PEAK1: variants seen among roughly 807,000 people sequenced by gnomAD.
PEAK1 encodes pseudopodium enriched atypical kinase 1, also known as inactive tyrosine-protein kinase PEAK1.
In PEAK1, 54 loss-of-function variants were observed where a neutral mutation model predicts 124.7. The ratio of observed to expected loss-of-function variants is 0.43; its 90% CI spans 0.35 to 0.54. The LOEUF is 0.54. PEAK1 is among the 20% of genes least tolerant of loss of function. PEAK1 has a pLI of 0.01. For missense variants in PEAK1, 2,046 were observed against 2,134.5 expected (o/e 0.96, Z 0.82); for synonymous variants, 719 against 760.0 (o/e 0.95, Z 0.89).
intron 2 of PEAK1, chr15:77,336,380 A>T: frequency 2.2e-5 from 22 of 985,436 alleles, no homozygotes; most frequent in Non-Finnish European, 2.7e-5. Flanking sequence ...TTTACTAGGA[A>T]CCAAGGCAGC....
intron 8 of PEAK1, among the ~76,000 whole-genome samples, chr15:77,140,209 T>C (rs536289907): frequency 2.6e-5 from 4 of 152,056 alleles, no homozygotes; most frequent in Non-Finnish European, 4.4e-5. Flanking sequence ...TTCCAAAAAA[T>C]AGAACAGGAG....
At chr15:77,127,099 A>C (rs957639362) in intron 9 of PEAK1, among the ~76,000 whole-genome samples, 1 of 151,402 alleles carries the variant, frequency 6.6e-6, no homozygotes, top group Non-Finnish European at 1.5e-5. Flanking sequence ...GTGTCCTTCT[A>C]AGAACAGACA....
intron 6 of PEAK1, among the ~76,000 whole-genome samples, chr15:77,211,684 C>G (rs2058912911): frequency 6.6e-6 from 1 of 151,816 alleles, no homozygotes; most frequent in Non-Finnish European, 1.5e-5. Flanking sequence ...CCCGTCTCTA[C>G]TAAAAATACA....
At chr15:77,354,497 G>A (rs760376527) in intron 2 of PEAK1, among the ~76,000 whole-genome samples, 1 of 152,118 alleles carries the variant, frequency 6.6e-6, no homozygotes, top group Admixed American at 6.6e-5. Context: ...TATTAGCCAT[G>A]TTAATCTCCT....
At chr15:77,144,143 C>T (rs770990511) in intron 8 of PEAK1, among the ~76,000 whole-genome samples, 2 of 152,162 alleles carry the variant, frequency 1.3e-5, no homozygotes, top group Non-Finnish European at 2.9e-5. Flanking sequence ...AGGTGAAGAA[C>T]GGCTGATCGT....
chr15:77,113,650 G>A lies in PEAK1; in HGVS notation c.*506C>T, dbSNP rs2051114834. 1 of 159,724 alleles carries A rather than the reference G, an allele frequency of 6.3e-6. No individual in the cohort carries two copies. The highest frequency in any genetic ancestry group is 1.4e-5 in the Non-Finnish European group (1 of 72,374). The allele number at this position is 159,724 out of a possible 1,614,324, so 9.9% of individuals were successfully genotyped here. On this transcript the variant is annotated 3_prime_UTR_variant, in exon 10 of 10. Transcript: ENST00000682557. Reference sequence around the variant, plus strand: ...TAACCAAAACTGGGCTGATGCTAAGGATGGCAGTCCTGCCTAGTAAGTCAG... The same window carrying A: ...TAACCAAAACTGGGCTGATGCTAAGAATGGCAGTCCTGCCTAGTAAGTCAG...
At chr15:77,172,494 T>C (rs920678117) in intron 7 of PEAK1, among the ~76,000 whole-genome samples, 1 of 152,170 alleles carries the variant, frequency 6.6e-6, no homozygotes, top group Non-Finnish European at 1.5e-5. Context: ...AATAGGTTTG[T>C]TTTGTTCATT....
At chr15:77,335,928 A>C in intron 2 of PEAK1, 1 of 985,398 alleles carries the variant, frequency 1.0e-6, no homozygotes, top group Non-Finnish European at 1.2e-6. Flanking sequence ...CACAATAAGA[A>C]CACCTATCTC....
intron 5 of PEAK1, among the ~76,000 whole-genome samples, chr15:77,260,997 T>C (rs953754141): frequency 6.6e-6 from 1 of 152,198 alleles, no homozygotes; most frequent in Non-Finnish European, 1.5e-5. Context: ...CCGCTGCTGA[T>C]ACCCAGGCAA....
At chr15:77,312,285 C>G (rs1410071323) in intron 2 of PEAK1, among the ~76,000 whole-genome samples, 1 of 152,132 alleles carries the variant, frequency 6.6e-6, no homozygotes, top group Admixed American at 6.5e-5. Flanking sequence ...TTACTATATT[C>G]CATTTTTAAT....
chr15:77,115,825 G>A (rs993654633), intron 9 of PEAK1, among the ~76,000 whole-genome samples: 6 of 152,156 alleles, frequency 3.9e-5, no homozygotes, highest in African/African-American at 1.4e-4. Flanking sequence ...TCACAGCTTA[G>A]GAGAGTGATA....
At chr15:77,297,707 C>A (rs1462511030) in intron 2 of PEAK1, among the ~76,000 whole-genome samples, 2 of 131,624 alleles carry the variant, frequency 1.5e-5, no homozygotes, top group African/African-American at 3.0e-5. Flanking sequence ...TGCAGTGAGC[C>A]AAGATGGCGC....
At chr15:77,288,797 C>T (rs1262766540) in intron 2 of PEAK1, among the ~76,000 whole-genome samples, 3 of 151,858 alleles carry the variant, frequency 2.0e-5, no homozygotes, top group African/African-American at 7.3e-5. Context: ...GGTGTGGTGG[C>T]GGGCACCTGT....
chr15:77,165,975 G>A (rs2056069014), intron 7 of PEAK1, among the ~76,000 whole-genome samples: 1 of 152,118 alleles, frequency 6.6e-6, no homozygotes, highest in Admixed American at 6.5e-5. Context: ...GCATACTGCA[G>A]AAACCCAGCA....
At chr15:77,313,652 A>ATGTATGTGTGTGTG (rs1469429790) in intron 2 of PEAK1, among the ~76,000 whole-genome samples, 13 of 90,586 alleles carry the variant, frequency 1.4e-4, no homozygotes, top group African/African-American at 2.6e-4. Context: ...GTATGTATGT[A>ATGTATGTGTGTGTG]TGTGTGTGTG....
In PEAK1 at chr15:77,269,292, T is replaced by A. The variant is rs1044308875; in HGVS notation, c.-275+14591A>T. On this transcript the variant is annotated intron_variant, in intron 5 of 9. Transcript: ENST00000682557. Reference sequence around the variant, plus strand: ...AAGAGACTCACCTGACACATAGGACTCACATAAAGCTAAGGTAACAGGGTG... The same window carrying A: ...AAGAGACTCACCTGACACATAGGACACACATAAAGCTAAGGTAACAGGGTG... Among the ~76,000 whole-genome samples the A allele has an allele frequency of 2.0e-5, 3 of 152,130 alleles. No individual in the cohort carries two copies. The South Asian group carries it at 6.2e-4, about 32-fold the overall frequency.
At chr15:77,332,936 G>T in intron 2 of PEAK1, 3 of 377,914 alleles carry the variant, frequency 7.9e-6, no homozygotes, top group Non-Finnish European at 1.1e-5. Context: ...TTTATTGGTT[G>T]ATTTTGTTTT....
chr15:77,375,234 C>T (rs2068919054), intron 1 of PEAK1, among the ~76,000 whole-genome samples: 1 of 152,148 alleles, frequency 6.6e-6, no homozygotes, highest in Non-Finnish European at 1.5e-5. Flanking sequence ...AACCATCTAA[C>T]TTGGCAGATA....
chr15:77,180,390 A>G lies in PEAK1; in HGVS notation c.1537T>C (p.Ser513Pro). Residue 513 changes from serine to proline, a missense_variant, in exon 7 of 10, where the codon TCA (serine) becomes CCA (proline). Transcript: ENST00000682557. ...GCACTTATTTGTCCTGGTGTCAATG[A>G]AGATGATGTAACTGGAGAGTTTGGA... The part of the protein sequence containing the change: ...STPNSPVTSS[S>P]LTPGQISAHF... 3 of 1,614,094 alleles carry G rather than the reference A, an allele frequency of 1.9e-6. No homozygotes were observed. The highest frequency in any genetic ancestry group is 2.5e-6 in the Non-Finnish European group (3 of 1,180,024).
Sources: gnomAD v4.1 joint callset for allele counts (sites outside exome capture counted in the v4.1 genomes callset) on GRCh38, gnomAD v4.1.1 for gene constraint, MANE v1.5 for transcripts, NCBI Gene and HGNC (gene_info 2026-07-23, HGNC 2026-07-21) for gene names.